ZBTB7C: variants seen among roughly 807,000 people sequenced by gnomAD.
ZBTB7C encodes zinc finger and BTB domain-containing protein 7C.
A neutral mutation model predicts 25.7 loss-of-function variants in ZBTB7C; 8 were observed. The observed-to-expected ratio is 0.31, with a 90% CI of 0.18 to 0.56. The LOEUF is 0.56. Ranked by LOEUF, ZBTB7C falls within the 20% of genes least tolerant of loss-of-function variation. ZBTB7C has a pLI of 0.91. For synonymous variants in ZBTB7C, 394 were observed against 369.0 expected, an observed-to-expected ratio of 1.07 and a Z score of -0.78; for missense variants, 824 against 855.2, an observed-to-expected ratio of 0.96 and a Z score of 0.46.
intron 1 of ZBTB7C, among the ~76,000 whole-genome samples, chr18:48,344,563 G>T (rs2046683543): frequency 1.3e-5 from 2 of 152,198 alleles, no homozygotes; most frequent in South Asian, 4.1e-4. Context: ...ATCCAAAACA[G>T]AGAAGGAGTA....
intron 1 of ZBTB7C, among the ~76,000 whole-genome samples, chr18:48,365,606 G>A (rs79434471): frequency 0.018 from 2,712 of 152,104 alleles, 92 homozygotes; most frequent in African/African-American, 0.062. Flanking sequence ...CTCCAGATGA[G>A]AACCCAGCCC....
At chr18:48,233,254 C>A (rs1252355795) in intron 2 of ZBTB7C, among the ~76,000 whole-genome samples, 6 of 152,178 alleles carry the variant, frequency 3.9e-5, no homozygotes, top group East Asian at 1.9e-4. Context: ...CTTCACCCCC[C>A]ACCTTCCTCC....
intron 3 of ZBTB7C, among the ~76,000 whole-genome samples, chr18:48,115,929 G>C (rs2039423035): frequency 6.6e-6 from 1 of 151,988 alleles, no homozygotes. Flanking sequence ...GAGACCAAGG[G>C]CCTCGAAGTA....
chr18:48,238,217 TA>T (rs1379735717), intron 2 of ZBTB7C, among the ~76,000 whole-genome samples: 5 of 152,180 alleles, frequency 3.3e-5, no homozygotes, highest in African/African-American at 1.2e-4. Context: ...TTATAACTAT[TA>T]ATATTTGTTA....
chr18:48,375,711 T>C (rs1449582985), intron 1 of ZBTB7C: 1 of 152,204 alleles, frequency 6.6e-6, no homozygotes, highest in Non-Finnish European at 1.5e-5. Context: ...CTTCCTCCTC[T>C]GCAAACTGGA....
chr18:48,040,464 C>A lies in ZBTB7C; in HGVS notation c.644G>T (p.Ser215Ile). 2.5e-6 allele frequency: 4 copies of A among 1,608,040 alleles called. No individual in the cohort carries two copies. The South Asian group carries it at 4.4e-5, about 18-fold the overall frequency. ...RDFPDSFQAG[S>I]PGHLGVIRDF... The stretch of plus-strand genomic sequence containing the variant: ...CCGGATCACCCCCAGATGGCCAGGA[C>A]TGCCAGCCTGGAAGGAGTCAGGGAA... The change falls in exon 4 of 5, where the codon AGT (serine) becomes ATT (isoleucine). Residue 215 changes from serine to isoleucine, a missense_variant. By Grantham distance (142) the Ser-to-Ile change is moderately radical. Transcript: ENST00000590800.
chr18:48,131,233 T>C (rs1463982178), intron 3 of ZBTB7C, among the ~76,000 whole-genome samples: 4 of 152,246 alleles, frequency 2.6e-5, no homozygotes, highest in Non-Finnish European at 5.9e-5. Context: ...TTATAGGTGA[T>C]TGCAACATGT....
At chr18:48,304,996 A>G (rs1175319940) in intron 2 of ZBTB7C, among the ~76,000 whole-genome samples, 1 of 152,026 alleles carries the variant, frequency 6.6e-6, no homozygotes, top group Non-Finnish European at 1.5e-5. Context: ...AGCCTTTGTT[A>G]CCTTTAATTA....
intron 3 of ZBTB7C, among the ~76,000 whole-genome samples, chr18:48,059,347 A>G (rs2037039675): frequency 6.6e-6 from 1 of 152,082 alleles, no homozygotes; most frequent in African/African-American, 2.4e-5. Context: ...CCTATTTGCA[A>G]ACAGAAGGCG....
chr18:48,270,376 C>T (rs2044444935), intron 2 of ZBTB7C, among the ~76,000 whole-genome samples: 2 of 148,650 alleles, frequency 1.3e-5, no homozygotes, highest in African/African-American at 2.5e-5. Context: ...GGACTAAAGG[C>T]GTGTGCCACC....
At chr18:48,229,236 G>A (rs2043187614) in intron 2 of ZBTB7C, among the ~76,000 whole-genome samples, 1 of 152,068 alleles carries the variant, frequency 6.6e-6, no homozygotes, top group African/African-American at 2.4e-5. Flanking sequence ...ACCCACTCTG[G>A]TGACTTCAAA....
intron 1 of ZBTB7C, among the ~76,000 whole-genome samples, chr18:48,367,908 C>T (rs946023166): frequency 6.6e-6 from 1 of 151,770 alleles, no homozygotes; most frequent in African/African-American, 2.4e-5. Context: ...GAGTGGGAAA[C>T]CTGGACGTCA....
chr18:48,045,964 G>C (rs1279681072), intron 3 of ZBTB7C, among the ~76,000 whole-genome samples: 1 of 152,220 alleles, frequency 6.6e-6, no homozygotes, highest in Non-Finnish European at 1.5e-5. Flanking sequence ...ATGCCAACTT[G>C]CTAGTTGAAT....
At chr18:48,404,077 AC>A (rs2048222663) in intron 1 of ZBTB7C, among the ~76,000 whole-genome samples, 1 of 152,032 alleles carries the variant, frequency 6.6e-6, no homozygotes, top group Non-Finnish European at 1.5e-5. Flanking sequence ...ACATGGTAAA[AC>A]CCCGTCTCTA....
chr18:48,073,530 G>A (rs967854440), intron 3 of ZBTB7C, among the ~76,000 whole-genome samples: 17 of 152,132 alleles, frequency 1.1e-4, no homozygotes, highest in African/African-American at 3.6e-4. Flanking sequence ...GCAGGGGTGC[G>A]GGCAGGTACG....
chr18:48,138,373 G>A (rs1348558406), intron 3 of ZBTB7C, among the ~76,000 whole-genome samples: 1 of 152,190 alleles, frequency 6.6e-6, no homozygotes, highest in Non-Finnish European at 1.5e-5. Context: ...TGCCCTGCAG[G>A]GAGCCTGCCC....
intron 3 of ZBTB7C, among the ~76,000 whole-genome samples, chr18:48,058,052 C>G (rs998169958): frequency 1.3e-5 from 2 of 152,176 alleles, no homozygotes; most frequent in East Asian, 3.8e-4. Flanking sequence ...CTATATAGCA[C>G]CAAGGACACA....
At chr18:48,271,372 A>C (rs976012934) in intron 2 of ZBTB7C, among the ~76,000 whole-genome samples, 1 of 152,018 alleles carries the variant, frequency 6.6e-6, no homozygotes, top group Non-Finnish European at 1.5e-5. Flanking sequence ...TTAGCAATGC[A>C]TCAAAATTAC....
At chr18:48,345,459 T>C (rs1177995179) in intron 1 of ZBTB7C, among the ~76,000 whole-genome samples, 2 of 152,140 alleles carry the variant, frequency 1.3e-5, no homozygotes, top group Non-Finnish European at 2.9e-5. Context: ...ACTTAGGAAT[T>C]GGGCATGTTC....
Sources: gnomAD v4.1 joint callset for allele counts (sites outside exome capture counted in the v4.1 genomes callset) on GRCh38, gnomAD v4.1.1 for gene constraint, MANE v1.5 for transcripts, NCBI Gene and HGNC (gene_info 2026-07-23, HGNC 2026-07-21) for gene names.